BANK1: variants seen among roughly 807,000 people sequenced by gnomAD.
BANK1 encodes B cell scaffold protein with ankyrin repeats 1, also known as B-cell scaffold protein with ankyrin repeats.
BANK1 carries 95 observed loss-of-function variants against 94.5 expected under a neutral mutation model. The ratio of observed to expected loss-of-function variants is 1.00; its 90% CI spans 0.85 to 1.19. BANK1 has a LOEUF of 1.19. Among genes scored for constraint, BANK1 ranks in the 50% most tolerant of loss-of-function variants. BANK1 has a pLI of 0.00. For missense variants in BANK1, 987 were observed against 932.2 expected, an observed-to-expected ratio of 1.06 and a Z score of -0.77; for synonymous variants, 334 against 308.4, an observed-to-expected ratio of 1.08 and a Z score of -0.87.
At chr4:101,960,654 C>T (rs1200421952) in intron 7 of BANK1, among the ~76,000 whole-genome samples, 2 of 152,140 alleles carry the variant, frequency 1.3e-5, no homozygotes, top group African/African-American at 4.8e-5. Context: ...CATCTGTCTT[C>T]CTCATTTGAT....
At chr4:101,927,613 G>A (rs552387432) in intron 7 of BANK1, among the ~76,000 whole-genome samples, 1 of 151,660 alleles carries the variant, frequency 6.6e-6, no homozygotes, top group South Asian at 2.1e-4. Flanking sequence ...TTTGAAATAT[G>A]CCATTGTTTT....
chr4:101,853,383 A>G (rs1307592621), intron 2 of BANK1, among the ~76,000 whole-genome samples: 1 of 152,136 alleles, frequency 6.6e-6, no homozygotes, highest in Admixed American at 6.5e-5. Flanking sequence ...CAATATTCTA[A>G]CTACTTCCAA....
chr4:101,794,982 C>T (rs898153221), intron 1 of BANK1, among the ~76,000 whole-genome samples: 2 of 152,056 alleles, frequency 1.3e-5, no homozygotes, highest in South Asian at 2.1e-4. Context: ...CTTGTTTTCA[C>T]ATGTGTTCTA....
intron 5 of BANK1, among the ~76,000 whole-genome samples, chr4:101,880,101 A>C (rs569753962): frequency 9.8e-4 from 149 of 152,250 alleles, no homozygotes; most frequent in African/African-American, 3.3e-3. Flanking sequence ...GCAATAAGAG[A>C]AAAGAAATAA....
At chr4:101,995,876 T>G (rs1172984422) in intron 7 of BANK1, among the ~76,000 whole-genome samples, 3 of 152,164 alleles carry the variant, frequency 2.0e-5, no homozygotes, top group Non-Finnish European at 4.4e-5. Context: ...TTGCAAAAAT[T>G]TTCTCCCATT....
intron 7 of BANK1, among the ~76,000 whole-genome samples, chr4:101,962,590 C>T (rs1329165445): frequency 6.6e-6 from 1 of 152,120 alleles, no homozygotes; most frequent in Non-Finnish European, 1.5e-5. Context: ...GCTCCCCTTT[C>T]CTTCTTTCTT....
chr4:101,953,454 A>G (rs1328503008), intron 7 of BANK1, among the ~76,000 whole-genome samples: 1 of 152,126 alleles, frequency 6.6e-6, no homozygotes, highest in African/African-American at 2.4e-5. Flanking sequence ...TCTTGAAGAA[A>G]TATGTAGAAC....
intron 2 of BANK1, among the ~76,000 whole-genome samples, chr4:101,852,405 T>A (rs1727512345): frequency 6.8e-6 from 1 of 147,406 alleles, no homozygotes; most frequent in Non-Finnish European, 1.5e-5. Flanking sequence ...ATATTATATA[T>A]TTATATCTAT....
intron 2 of BANK1, among the ~76,000 whole-genome samples, chr4:101,844,026 A>G (rs1727156580): frequency 1.3e-5 from 2 of 152,332 alleles, no homozygotes; most frequent in African/African-American, 4.8e-5. Context: ...CTTATCCACT[A>G]AATAATGGTT....
At chr4:102,068,420 C>T (rs2148966966) in intron 13 of BANK1, among the ~76,000 whole-genome samples, 1 of 151,872 alleles carries the variant, frequency 6.6e-6, no homozygotes, top group Admixed American at 6.5e-5. Context: ...ATTTGATAAG[C>T]CCATGGGAAG....
chr4:101,799,671 G>C (rs552460727), intron 1 of BANK1, among the ~76,000 whole-genome samples: 2 of 152,166 alleles, frequency 1.3e-5, no homozygotes, highest in South Asian at 4.2e-4. Context: ...TCAGGAGATC[G>C]AGGCCATCCT....
At chr4:102,038,329 T>G (rs1560702120) in intron 10 of BANK1, among the ~76,000 whole-genome samples, 1 of 152,184 alleles carries the variant, frequency 6.6e-6, no homozygotes, top group South Asian at 2.1e-4. Context: ...AAAAGTAAAC[T>G]CATTATAGTT....
At position 101,895,295 on chromosome 4, in the gene BANK1, T is replaced by C. The variant is rs770563557; in HGVS notation, c.904-10T>C. 6.6e-7 allele frequency: 1 copy of C among 1,514,650 alleles called. No homozygotes were observed. The highest frequency in any genetic ancestry group is 8.9e-7 in the Non-Finnish European group (1 of 1,124,532). 93.8% of individuals were successfully genotyped at this position (1,514,650 alleles called of 1,614,324 possible). ...ACCTAGTGAAAATTTTCTTTTTCAC[T>C]TGAAAACAGAATAGCATTGAAGAAC... On this transcript the variant is annotated splice_polypyrimidine_tract_variant and intron_variant, in intron 5 of 16. Transcript: ENST00000322953.
chr4:101,969,305 T>G (rs1032963459), intron 7 of BANK1, among the ~76,000 whole-genome samples: 7 of 152,072 alleles, frequency 4.6e-5, no homozygotes, highest in African/African-American at 1.7e-4. Context: ...TACTATACCA[T>G]TAGCTATTAT....
chr4:101,905,827 C>T (rs1225127414), intron 6 of BANK1, among the ~76,000 whole-genome samples: 1 of 152,206 alleles, frequency 6.6e-6, no homozygotes. Flanking sequence ...ATATCCTGAG[C>T]AGCCGAATCT....
At chr4:102,032,442 G>A (rs1050676738) in intron 10 of BANK1, 4 of 152,100 alleles carry the variant, frequency 2.6e-5, no homozygotes, top group African/African-American at 9.7e-5. Context: ...TTGCTTCATT[G>A]TGTTTTGATT....
intron 1 of BANK1, among the ~76,000 whole-genome samples, chr4:101,792,465 GTGTGTTT>G (rs1254980609): frequency 1.5e-4 from 7 of 48,048 alleles, no homozygotes; most frequent in Non-Finnish European, 3.3e-4. Context: ...GTGTGTGTGT[GTGTGTTT>G]TTTTTTTTTT....
chr4:101,923,363 A>ATG (rs146011702), intron 7 of BANK1, among the ~76,000 whole-genome samples: 419 of 150,980 alleles, frequency 2.8e-3, no homozygotes, highest in Non-Finnish European at 3.3e-3. Context: ...ATATATATAT[A>ATG]TGTGTGTGTG....
At chr4:101,955,356 A>G (rs1724302005) in intron 7 of BANK1, among the ~76,000 whole-genome samples, 1 of 152,202 alleles carries the variant, frequency 6.6e-6, no homozygotes, top group Admixed American at 6.5e-5. Context: ...CAGGTCTTAG[A>G]CTAGATCTCT....
Sources: gnomAD v4.1 joint callset for allele counts (sites outside exome capture counted in the v4.1 genomes callset) on GRCh38, gnomAD v4.1.1 for gene constraint, MANE v1.5 for transcripts, NCBI Gene and HGNC (gene_info 2026-07-23, HGNC 2026-07-21) for gene names.